The following APH1B variants were observed in gnomAD, a reference collection of about 807,000 sequenced individuals.
APH1B encodes aph-1B gamma-secretase subunit.
In APH1B, 27 loss-of-function variants were observed where a neutral mutation model predicts 28.2. The observed-to-expected ratio is 0.96, with a 90% CI of 0.70 to 1.32. APH1B has a LOEUF of 1.32. Ranked by LOEUF, APH1B falls within the 40% of genes most tolerant of loss-of-function variation. APH1B has a pLI of 0.00. For synonymous variants in APH1B, 141 were observed against 124.6 expected (o/e 1.13, Z -0.88); for missense variants, 305 against 313.6 (o/e 0.97, Z 0.21).
At chr15:63,288,784 C>T (rs544214006) in intron 4 of APH1B, among the ~76,000 whole-genome samples, 1 of 152,148 alleles carries the variant, frequency 6.6e-6, no homozygotes, top group Non-Finnish European at 1.5e-5. Context: ...ATTGATTATA[C>T]TGAGTGTTAG....
intron 4 of APH1B, among the ~76,000 whole-genome samples, chr15:63,288,378 C>T (rs1370721025): frequency 1.3e-5 from 2 of 152,108 alleles, no homozygotes; most frequent in African/African-American, 4.8e-5. Context: ...AAAATTTCTG[C>T]AGTAGTTTAG....
intron 4 of APH1B, among the ~76,000 whole-genome samples, chr15:63,292,808 C>T (rs1223022948): frequency 2.6e-5 from 4 of 152,230 alleles, no homozygotes; most frequent in Non-Finnish European, 5.9e-5. Context: ...ATCATAGTCT[C>T]TAGTAGCTTG....
In APH1B at chr15:63,308,220, T is replaced by C. The variant is rs1171020181; in HGVS notation, c.*2439T>C. 2.0e-5 allele frequency: 3 copies of C among 152,224 alleles called. No individual in the cohort carries two copies. The highest frequency in any genetic ancestry group is 6.5e-5 in the Admixed American group (1 of 15,284). 9.4% of individuals were successfully genotyped at this position (152,224 alleles called of 1,614,324 possible). On this transcript the variant is annotated 3_prime_UTR_variant, in exon 6 of 6. Transcript: ENST00000261879. ...GATTTTCTGCTTGGAGGGAAATATG[T>C]TGACCTTAGAGAATTGTGAATATTG...
At position 63,281,503 on chromosome 15, in the gene APH1B, A is replaced by G. The variant is rs1818801567; in HGVS notation, c.284+2172A>G. On this transcript the variant is annotated intron_variant, in intron 2 of 5. Coordinates refer to ENST00000261879, the MANE Select transcript of APH1B (RefSeq NM_031301.4). ...TTCCTGTCAGTGACATCATTGGCCC[A>G]TATGCATTTTCATGCCATGGGTCTA... is the stretch of plus-strand genomic sequence containing the variant. Among the ~76,000 whole-genome samples the G allele has an allele frequency of 4.7e-5, 7 of 149,908 alleles. No individual in the cohort carries two copies. In the South Asian group the frequency reaches 1.5e-3, roughly 32 times the overall value.
At chr15:63,290,613 G>T (rs770900972) in intron 4 of APH1B, among the ~76,000 whole-genome samples, 3 of 152,196 alleles carry the variant, frequency 2.0e-5, no homozygotes, top group Non-Finnish European at 2.9e-5. Context: ...AAGAGCCATG[G>T]GGCACAAAGG....
In APH1B at chr15:63,287,491, G is replaced by C; in HGVS notation, c.423G>C (p.Leu141Phe). 6.2e-7 allele frequency: 1 copy of C among 1,613,968 alleles called. No homozygotes were observed. The highest frequency in any genetic ancestry group is 8.5e-7 in the Non-Finnish European group (1 of 1,179,900). Residue 141 changes from leucine to phenylalanine, a missense_variant, in exon 4 of 6, where the codon TTG becomes TTC. Transcript: ENST00000261879. ...FSFVNTLSDSLGPGTVGIHGD... is the reference protein window; with the variant it reads ...FSFVNTLSDSFGPGTVGIHGD... ...TTGTGAATACCCTATCTGACTCCTTGGGGCCAGGCACAGTGGGCATTCATG... is the reference window on the plus strand; with the variant it reads ...TTGTGAATACCCTATCTGACTCCTTCGGGCCAGGCACAGTGGGCATTCATG...
At chr15:63,302,274 G>C in intron 4 of APH1B, 71 bp from the exon 5 acceptor site, 3 of 1,563,490 alleles carry the variant, frequency 1.9e-6, no homozygotes, top group Non-Finnish European at 2.6e-6. Flanking sequence ...CCGAGAGCCC[G>C]TGCACAGTGC....
At chr15:63,290,078 T>C (rs987321906) in intron 4 of APH1B, among the ~76,000 whole-genome samples, 2 of 152,162 alleles carry the variant, frequency 1.3e-5, no homozygotes, top group African/African-American at 4.8e-5. Flanking sequence ...TATATATAGA[T>C]GCACAAATAT....
At position 63,307,621 on chromosome 15, in the gene APH1B, C is replaced by CTCATCAAACTGGGA. The variant is rs2038699398; in HGVS notation, c.*1841_*1842insCATCAAACTGGGAT. The CTCATCAAACTGGGA allele has an allele frequency of 6.6e-6, 1 of 152,240 alleles. No individual in the cohort carries two copies. The highest frequency in any genetic ancestry group is 2.1e-4 in the South Asian group (1 of 4,822). 9.4% of individuals were successfully genotyped at this position (152,240 alleles called of 1,614,324 possible). On this transcript the variant is annotated 3_prime_UTR_variant, in exon 6 of 6. Coordinates refer to ENST00000261879, the MANE Select transcript of APH1B (RefSeq NM_031301.4). The stretch of plus-strand genomic sequence containing the variant: ...GGATACTCATCAAACTGGGATTATT[C>CTCATCAAACTGGGA]TTATCAAAACATGGTCTTCTTTGAA...
chr15:63,292,895 TC>T (rs1567030214), intron 4 of APH1B, among the ~76,000 whole-genome samples: 1 of 152,242 alleles, frequency 6.6e-6, no homozygotes, highest in Non-Finnish European at 1.5e-5. Context: ...GTGTATTGCT[TC>T]ACAGTCTCTA....
rs925630565 is a variant in APH1B at position 63,277,665 on chromosome 15, C to T, written c.42C>T (p.Phe14=). Residue 14 remains phenylalanine, a synonymous_variant, in exon 1 of 6, where the codon TTC becomes TTT. Transcript: ENST00000261879. ...AVFFGCAFIA[F]GPALALYVFT... ...TCTTCGGCTGCGCCTTCATTGCCTT[C>T]GGGCCTGCGCTCGCCCTTTATGTCT... 2 of 1,608,190 alleles carry T rather than the reference C, an allele frequency of 1.2e-6. No individual in the cohort carries two copies. The highest frequency in any genetic ancestry group is 1.7e-6 in the Non-Finnish European group (2 of 1,177,474).
intron 4 of APH1B, among the ~76,000 whole-genome samples, chr15:63,298,889 G>A (rs1471630690): frequency 9.1e-6 from 1 of 110,440 alleles, no homozygotes; most frequent in African/African-American, 3.4e-5. Context: ...AGTAGATTGT[G>A]TTGAATGTAA....
At chr15:63,293,056 A>G (rs901318083) in intron 4 of APH1B, among the ~76,000 whole-genome samples, 3 of 152,140 alleles carry the variant, frequency 2.0e-5, no homozygotes, top group African/African-American at 7.2e-5. Context: ...AATGACTTGC[A>G]CTTCTCCATT....
chr15:63,282,394 A>T (rs1456648824), intron 2 of APH1B, among the ~76,000 whole-genome samples: 1 of 152,314 alleles, frequency 6.6e-6, no homozygotes, highest in African/African-American at 2.4e-5. Flanking sequence ...AATAAATAAT[A>T]GTTTTATTTC....
chr15:63,284,500 C>G (rs2038425414), intron 2 of APH1B, among the ~76,000 whole-genome samples: 1 of 152,218 alleles, frequency 6.6e-6, no homozygotes, highest in Non-Finnish European at 1.5e-5. Flanking sequence ...AGGCGTGGGC[C>G]ACTGCGCCTG....
intron 2 of APH1B, among the ~76,000 whole-genome samples, chr15:63,282,855 A>G (rs1261852294): frequency 1.3e-5 from 2 of 152,210 alleles, no homozygotes; most frequent in South Asian, 2.1e-4. Flanking sequence ...TTTAACTTGT[A>G]TTCATACTCC....
At chr15:63,287,395 G>T in intron 3 of APH1B, 29 bp from the exon 4 acceptor site, 6 of 1,611,210 alleles carry the variant, frequency 3.7e-6, no homozygotes, top group Non-Finnish European at 5.1e-6. Context: ...GGCAGGAAAA[G>T]AGTTAACAGT....
intron 2 of APH1B, 81 bp from the exon 3 acceptor site, chr15:63,286,477 G>A: frequency 1.7e-6 from 2 of 1,172,286 alleles, no homozygotes; most frequent in African/African-American, 1.6e-5. Context: ...GGTTTGAAGT[G>A]TCTTGTTGGA....
At chr15:63,277,876 A>G (rs2038342137) in intron 1 of APH1B, 140 bp downstream of exon 1, 4 of 836,782 alleles carry the variant, frequency 4.8e-6, no homozygotes, top group Non-Finnish European at 7.2e-6. Flanking sequence ...GGGAGAGCGG[A>G]GATCCGGCTC....
Sources: allele counts gnomAD v4.1 joint callset (sites outside exome capture counted in the v4.1 genomes callset), GRCh38; gene constraint gnomAD v4.1.1; transcripts MANE v1.5; gene names NCBI Gene and HGNC (gene_info 2026-07-23, HGNC 2026-07-21).